CDC14A: variants seen among roughly 807,000 people sequenced by gnomAD.
CDC14A encodes cell division cycle 14A.
CDC14A carries 53 observed loss-of-function variants against 74.4 expected under a neutral mutation model. The observed-to-expected ratio is 0.71, with a 90% confidence interval of 0.57 to 0.89. The LOEUF is 0.89. Ranked by LOEUF, CDC14A falls within the 40% of genes least tolerant of loss-of-function variation. The pLI, the probability that CDC14A is intolerant of heterozygous loss-of-function variation, is 0.00. For missense variants in CDC14A, 646 were observed against 713.7 expected (o/e 0.91, Z 1.08); for synonymous variants, 247 against 258.4 (o/e 0.96, Z 0.43).
intron 4 of CDC14A, among the ~76,000 whole-genome samples, chr1:100,412,002 A>G (rs1372379915): frequency 1.3e-5 from 2 of 152,200 alleles, no homozygotes; most frequent in Non-Finnish European, 2.9e-5. Flanking sequence ...GAACTAGGAA[A>G]GGCTGAGGAA....
intron 10 of CDC14A, among the ~76,000 whole-genome samples, chr1:100,473,378 A>C (rs955945725): frequency 1.1e-4 from 16 of 151,718 alleles, no homozygotes; most frequent in African/African-American, 3.9e-4. Flanking sequence ...CAATTGATTT[A>C]TCTTTTTCTT....
At chr1:100,398,512 G>C (rs1359656124) in intron 4 of CDC14A, among the ~76,000 whole-genome samples, 1 of 152,114 alleles carries the variant, frequency 6.6e-6, no homozygotes, top group Non-Finnish European at 1.5e-5. Context: ...GGAATATTTT[G>C]TTTAAACCAA....
At chr1:100,417,881 C>G (rs1375902875) in intron 4 of CDC14A, among the ~76,000 whole-genome samples, 1 of 152,296 alleles carries the variant, frequency 6.6e-6, no homozygotes, top group East Asian at 1.9e-4. Flanking sequence ...TGCTGAGCAT[C>G]TATCTGACAG....
Position 100,468,042 on chromosome 1 carries a change from A to C in CDC14A, c.925A>C (p.Arg309=). The part of the protein sequence containing the change: ...FTHAEIIAWI[R]ICRPGSIIGP... ...ACATGCTGAAATAATTGCTTGGATT[A>C]GAATATGCCGGCCAGGCTCTATTAT... The change falls in exon 10 of 16, where the codon AGA becomes CGA. Residue 309 remains arginine, a synonymous_variant. Coordinates refer to ENST00000336454, the MANE Select transcript of CDC14A (RefSeq NM_003672.4). 1 of 1,613,624 alleles carries C rather than the reference A, an allele frequency of 6.2e-7. No homozygotes were observed. The highest frequency in any genetic ancestry group is 8.5e-7 in the Non-Finnish European group (1 of 1,179,830).
At chr1:100,358,035 C>T (rs1182909755) in intron 2 of CDC14A, among the ~76,000 whole-genome samples, 1 of 152,102 alleles carries the variant, frequency 6.6e-6, no homozygotes, top group African/African-American at 2.4e-5. Flanking sequence ...TAAAACAGAA[C>T]TTATTACTAT....
chr1:100,412,733 ATATATTT>A (rs1246838741), intron 4 of CDC14A, among the ~76,000 whole-genome samples: 4 of 110,112 alleles, frequency 3.6e-5, no homozygotes, highest in South Asian at 2.4e-4. Flanking sequence ...TTTTATATAT[ATATATTT>A]TATATATATA....
At chr1:100,393,164 C>A (rs1657946485) in intron 4 of CDC14A, 3 of 1,569,628 alleles carry the variant, frequency 1.9e-6, no homozygotes, top group Admixed American at 1.7e-5. Flanking sequence ...AATTTGACTC[C>A]ATTTCTCTCA....
chr1:100,419,214 G>A (rs1661944031), intron 4 of CDC14A, among the ~76,000 whole-genome samples: 1 of 152,070 alleles, frequency 6.6e-6, no homozygotes, highest in Non-Finnish European at 1.5e-5. Flanking sequence ...GAGAGAGACT[G>A]ACTGTGACTG....
intron 2 of CDC14A, among the ~76,000 whole-genome samples, chr1:100,371,828 G>GA (rs1161126777): frequency 2.0e-5 from 3 of 151,638 alleles, no homozygotes; most frequent in East Asian, 1.9e-4. Flanking sequence ...TATACAAGTA[G>GA]AAAAAAAACA....
At chr1:100,407,268 T>A (rs1226619158) in intron 4 of CDC14A, among the ~76,000 whole-genome samples, 3 of 152,206 alleles carry the variant, frequency 2.0e-5, no homozygotes, top group African/African-American at 7.2e-5. Context: ...GGGAATAGCA[T>A]TGTATCTATA....
At chr1:100,448,778 T>C (rs1557770820) in intron 7 of CDC14A, among the ~76,000 whole-genome samples, 1 of 152,278 alleles carries the variant, frequency 6.6e-6, no homozygotes, top group Non-Finnish European at 1.5e-5. Context: ...GTTGAACAGA[T>C]ATTAAATGCC....
intron 4 of CDC14A, among the ~76,000 whole-genome samples, chr1:100,411,593 G>A (rs1403703585): frequency 6.6e-6 from 1 of 152,076 alleles, no homozygotes; most frequent in African/African-American, 2.4e-5. Context: ...GTCAAAAGAG[G>A]GTAGTAGAGG....
intron 11 of CDC14A, among the ~76,000 whole-genome samples, chr1:100,488,846 T>A (rs1414662625): frequency 6.6e-6 from 1 of 152,202 alleles, no homozygotes; most frequent in Admixed American, 6.5e-5. Context: ...TTAAGCACCT[T>A]TCTTTCCCCC....
In CDC14A at chr1:100,373,264, GGA is replaced by G. The variant is rs1381681274; in HGVS notation, c.141-4275_141-4274del. Among the ~76,000 whole-genome samples the G allele has an allele frequency of 2.6e-5, 4 of 152,280 alleles. No individual in the cohort carries two copies. The South Asian group carries it at 6.2e-4, about 24-fold the overall frequency. On this transcript the variant is annotated intron_variant, in intron 2 of 15. Transcript: ENST00000336454. ...AGGGAATAGGGAGGTCCAAGGAGAG[GGA>G]GAGAGATGGGGGAATGGCTAGTTGG...
chr1:100,381,467 T>C (rs868075373), intron 3 of CDC14A, among the ~76,000 whole-genome samples: 42 of 152,326 alleles, frequency 2.8e-4, no homozygotes, highest in African/African-American at 9.9e-4. Context: ...TTTCATTTTT[T>C]AGTTTGGAAA....
At chr1:100,486,981 G>A (rs905028351) in intron 11 of CDC14A, among the ~76,000 whole-genome samples, 7 of 152,080 alleles carry the variant, frequency 4.6e-5, no homozygotes, top group Non-Finnish European at 1.0e-4. Context: ...AGTTAATGAT[G>A]TCTTTATTAT....
intron 10 of CDC14A, among the ~76,000 whole-genome samples, chr1:100,483,071 T>C (rs1305288097): frequency 2.6e-5 from 4 of 152,176 alleles, no homozygotes; most frequent in Admixed American, 2.6e-4. Flanking sequence ...TGTGTCTTTA[T>C]GGTAGAATGA....
chr1:100,407,342 G>A (rs941481189), intron 4 of CDC14A, among the ~76,000 whole-genome samples: 1 of 152,142 alleles, frequency 6.6e-6, no homozygotes, highest in African/African-American at 2.4e-5. Context: ...AACATGGAAT[G>A]TTTCTCTGTT....
At chr1:100,435,612 T>A (rs1664224643) in intron 5 of CDC14A, among the ~76,000 whole-genome samples, 1 of 152,066 alleles carries the variant, frequency 6.6e-6, no homozygotes. Flanking sequence ...GCGGATCGCC[T>A]GAGGTCAGGA....
Sources: allele counts gnomAD v4.1 joint callset (sites outside exome capture counted in the v4.1 genomes callset), GRCh38; gene constraint gnomAD v4.1.1; transcripts MANE v1.5; gene names NCBI Gene and HGNC (gene_info 2026-07-23, HGNC 2026-07-21).